Variants in MBNL1 observed in about 807,000 individuals in gnomAD.
The protein encoded by MBNL1 is muscleblind-like protein 1.
A neutral mutation model predicts 42.2 loss-of-function variants in MBNL1; 8 were observed. The observed-to-expected ratio is 0.19, with a 90% CI of 0.11 to 0.34. MBNL1 has a LOEUF of 0.34. MBNL1 is among the 10% of genes least tolerant of loss of function. MBNL1 has a pLI of 1.00. For missense variants in MBNL1, 309 were observed against 495.3 expected (o/e 0.62, Z 3.57); for synonymous variants, 169 against 173.9 (o/e 0.97, Z 0.22).
intron 2 of MBNL1, among the ~76,000 whole-genome samples, chr3:152,314,229 C>T (rs1389150532): frequency 7.2e-5 from 11 of 151,846 alleles, no homozygotes; most frequent in Non-Finnish European, 1.6e-4. Flanking sequence ...CAAATATCTA[C>T]CACTCACTTC....
At chr3:152,309,714 T>A (rs2065275432) in intron 2 of MBNL1, among the ~76,000 whole-genome samples, 1 of 152,226 alleles carries the variant, frequency 6.6e-6, no homozygotes, top group South Asian at 2.1e-4. Context: ...ATTACATCTG[T>A]AATTCCTTCT....
In MBNL1 at chr3:152,299,856, G is replaced by A; in HGVS notation, c.-338G>A. 1 of 403,304 alleles carries A rather than the reference G, an allele frequency of 2.5e-6. No homozygotes were observed. The highest frequency in any genetic ancestry group is 4.4e-6 in the Non-Finnish European group (1 of 229,110). 25.0% of individuals were successfully genotyped at this position (403,304 alleles called of 1,614,324 possible). On this transcript the variant is annotated 5_prime_UTR_variant, in exon 2 of 10. An upstream open reading frame in the 5' UTR gains an earlier in-frame stop. Coordinates refer to ENST00000324210, the MANE Select transcript of MBNL1 (RefSeq NM_021038.5). ...TGCCACGTTTTCATGCTTGCATTTT[G>A]GGCTCCAAATTGGCACTGGGAAGGG...
intron 1 of MBNL1, among the ~76,000 whole-genome samples, chr3:152,274,312 A>T (rs1389488453): frequency 2.6e-5 from 4 of 152,218 alleles, no homozygotes; most frequent in African/African-American, 9.6e-5. Flanking sequence ...GTGAATACAT[A>T]TTGTGAAAAA....
intron 1 of MBNL1, among the ~76,000 whole-genome samples, chr3:152,281,232 C>T (rs1407402898): frequency 6.6e-6 from 1 of 152,064 alleles, no homozygotes; most frequent in Non-Finnish European, 1.5e-5. Context: ...AGGGGATTTG[C>T]TCAAGGGTCA....
intron 8 of MBNL1, 41 bp downstream of exon 8, chr3:152,456,402 A>T (rs768423437): frequency 6.6e-7 from 1 of 1,508,062 alleles, no homozygotes; most frequent in Non-Finnish European, 9.2e-7. Flanking sequence ...AAACAACTCT[A>T]ATAGGGCTCA....
chr3:152,450,327 A>C (rs994028127), intron 6 of MBNL1, among the ~76,000 whole-genome samples: 23 of 152,176 alleles, frequency 1.5e-4, no homozygotes, highest in African/African-American at 5.5e-4. Context: ...AAATATTTTC[A>C]TTATATAATA....
At chr3:152,410,683 G>T (rs2098545332) in intron 2 of MBNL1, among the ~76,000 whole-genome samples, 1 of 152,224 alleles carries the variant, frequency 6.6e-6, no homozygotes, top group African/African-American at 2.4e-5. Context: ...AGGCTCTATA[G>T]AGTGGCCTGC....
In MBNL1 at chr3:152,458,863, G is replaced by A. The variant is rs3773911; in HGVS notation, c.1093-408G>A. The A allele has an allele frequency of 7.8e-3, 1,205 of 155,030 alleles. 20 individuals carry two copies. Among genetic ancestry groups the A allele is most frequent in the East Asian group, 0.046 (246 of 5,292 alleles). 9.6% of individuals were successfully genotyped at this position (155,030 alleles called of 1,614,324 possible). On this transcript the variant is annotated intron_variant, in intron 8 of 9. Coordinates refer to ENST00000324210, the MANE Select transcript of MBNL1 (RefSeq NM_021038.5). ...AAAAGTTAGACACCCTAATTTGAAC[G>A]AAAATGTTAGAAATTTGGTTGCACA...
At chr3:152,246,096 A>C (rs73869977) in intron 2 of MBNL1, among the ~76,000 whole-genome samples, 3,671 of 152,252 alleles carry the variant, frequency 0.024, 123 homozygotes, top group African/African-American at 0.084. Flanking sequence ...AAAATATAAA[A>C]ATAAAGAAAC....
intron 2 of MBNL1, among the ~76,000 whole-genome samples, chr3:152,357,868 A>T (rs2095638342): frequency 1.3e-5 from 2 of 152,220 alleles, no homozygotes; most frequent in Non-Finnish European, 2.9e-5. Context: ...CATGGCATGC[A>T]TCATCAGCTT....
chr3:152,387,052 C>T (rs2097464912), intron 2 of MBNL1, among the ~76,000 whole-genome samples: 1 of 152,052 alleles, frequency 6.6e-6, no homozygotes, highest in African/African-American at 2.4e-5. Flanking sequence ...TTGAACCCTT[C>T]TGAGACCCCG....
Position 152,419,009 on chromosome 3 carries a change from C to A in MBNL1, c.345+3898C>A, listed in dbSNP as rs1284183929. ...GGGATTACAGGCGTGAGCCATCATG[C>A]CCAGCCGACAATCTTATAATGTAAA... On this transcript the variant is annotated intron_variant, in intron 3 of 9. Coordinates refer to ENST00000324210, the MANE Select transcript of MBNL1 (RefSeq NM_021038.5). 2.6e-5 allele frequency among the ~76,000 whole-genome samples: 4 copies of A among 152,056 alleles called. No individual in the cohort carries two copies. The East Asian group carries it at 7.7e-4, about 29-fold the overall frequency.
intron 8 of MBNL1, 127 bp from the exon 9 acceptor site, chr3:152,459,144 A>G (rs1242132239): frequency 4.2e-6 from 2 of 471,866 alleles, no homozygotes; most frequent in East Asian, 6.8e-5. Context: ...TATGTTGACC[A>G]GATAAGGACT....
chr3:152,336,565 C>T (rs897556575), intron 2 of MBNL1, among the ~76,000 whole-genome samples: 1 of 152,132 alleles, frequency 6.6e-6, no homozygotes, highest in African/African-American at 2.4e-5. Flanking sequence ...ATTTAGATTC[C>T]TCATTCTCTT....
Position 152,327,430 on chromosome 3 carries a change from C to T in MBNL1, c.174+27063C>T, listed in dbSNP as rs536800753. 3.9e-5 allele frequency among the ~76,000 whole-genome samples: 6 copies of T among 152,110 alleles called. No individual in the cohort carries two copies. The South Asian group carries it at 1.0e-3, about 26-fold the overall frequency. ...TGGCATGATCTTGGCTCACTGCAAC[C>T]GCCGCCTCCTAGGTTTAAGTGATTC... On this transcript the variant is annotated intron_variant, in intron 2 of 9. Coordinates refer to ENST00000324210, the MANE Select transcript of MBNL1 (RefSeq NM_021038.5).
chr3:152,321,872 G>C (rs1358376550), intron 2 of MBNL1, among the ~76,000 whole-genome samples: 2 of 151,908 alleles, frequency 1.3e-5, no homozygotes, highest in Non-Finnish European at 2.9e-5. Context: ...AAGAGATAGT[G>C]GTATTTATTT....
At chr3:152,384,988 T>C (rs926065965) in intron 2 of MBNL1, among the ~76,000 whole-genome samples, 1 of 152,048 alleles carries the variant, frequency 6.6e-6, no homozygotes, top group Non-Finnish European at 1.5e-5. Flanking sequence ...GCAGGTCAAA[T>C]AGCTATGGTG....
chr3:152,414,841 C>A (rs1428887377), intron 2 of MBNL1, 100 bp from the exon 3 acceptor site: 54 of 1,170,360 alleles, frequency 4.6e-5, no homozygotes, highest in Non-Finnish European at 6.7e-5. Flanking sequence ...GTGTGAAAAA[C>A]CAATGATACA....
At chr3:152,320,542 T>G (rs1475353575) in intron 2 of MBNL1, among the ~76,000 whole-genome samples, 3 of 152,082 alleles carry the variant, frequency 2.0e-5, no homozygotes, top group Non-Finnish European at 4.4e-5. Context: ...TACACAGTTA[T>G]TTTGGTGACA....
Sources: allele counts gnomAD v4.1 joint callset (sites outside exome capture counted in the v4.1 genomes callset), GRCh38; gene constraint gnomAD v4.1.1; transcripts MANE v1.5; gene names NCBI Gene and HGNC (gene_info 2026-07-23, HGNC 2026-07-21).